The following ATAD2 variants were observed in gnomAD, a reference collection of about 807,000 sequenced individuals.
ATAD2 encodes the protein ATPase family AAA domain containing 2.
Under a neutral mutation model 168.9 loss-of-function variants are expected in ATAD2, and 62 were observed. The ratio of observed to expected loss-of-function variants is 0.37; its 90% CI spans 0.30 to 0.45. The LOEUF is 0.45. Ranked by LOEUF, ATAD2 falls within the 20% of genes least tolerant of loss-of-function variation. The probability of loss-of-function intolerance (pLI) is 1.00; values close to 1 mark genes in which losing one functional copy is unlikely to be tolerated. For synonymous variants in ATAD2, 613 were observed against 571.6 expected, an observed-to-expected ratio of 1.07 and a Z score of -1.03; for missense variants, 1,419 against 1,667.8, an observed-to-expected ratio of 0.85 and a Z score of 2.60.
intron 11 of ATAD2, among the ~76,000 whole-genome samples, chr8:123,358,962 C>T (rs181128157): frequency 1.3e-5 from 2 of 148,728 alleles, no homozygotes; most frequent in Non-Finnish European, 3.0e-5. Flanking sequence ...CCTTGGCCCC[C>T]CAAAGTGCTG....
In ATAD2 at chr8:123,325,742, G is replaced by T. The variant is rs1173465388; in HGVS notation, c.4002+151C>A. 3 of 1,006,654 alleles carry T rather than the reference G, an allele frequency of 3.0e-6. No homozygotes were observed. In the East Asian group the frequency reaches 8.1e-5, roughly 27 times the overall value. 62.4% of individuals were successfully genotyped at this position (1,006,654 alleles called of 1,614,324 possible). The stretch of plus-strand genomic sequence containing the variant: ...GACCTAGTCTTAATTTGGAACAGGG[G>T]AAGGAGAAGAACAGTAAAGGGAAGC... On this transcript the variant is annotated intron_variant, in intron 26 of 27. Coordinates refer to ENST00000287394, the MANE Select transcript of ATAD2 (RefSeq NM_014109.4).
upstream of ATAD2, among the ~76,000 whole-genome samples, chr8:123,399,378 G>C (rs1169531474): frequency 1.3e-5 from 2 of 152,210 alleles, no homozygotes; most frequent in African/African-American, 4.8e-5. Context: ...GGTGCAGGGA[G>C]TAAAGCAGTG....
rs144953583 is a variant in ATAD2, at chr8:123,325,931, G to A, written c.3964C>T (p.Pro1322Ser). 1.0e-4 allele frequency: 165 copies of A among 1,614,090 alleles called. No homozygotes were observed. The East Asian group carries it at 2.0e-3, about 20-fold the overall frequency. Residue 1322 changes from proline (P) to serine (S), a missense_variant, in exon 26 of 28, where the codon CCT (proline) becomes TCT (serine). By Grantham distance (74) the Pro-to-Ser change is moderately conservative (BLOSUM62 -1). Transcript: ENST00000287394. ...VEKALAILSQPTPSLVVDHER... is the reference protein window; with the variant it reads ...VEKALAILSQSTPSLVVDHER... The stretch of plus-strand genomic sequence containing the variant: ...TGATCCACAACAAGTGAGGGTGTAG[G>A]CTGAGAAAGAATTGCCAAAGCCTTT...
Position 123,344,536 on chromosome 8 carries a change from A to G in ATAD2, c.2718+348T>C, listed in dbSNP as rs944465188. On this transcript the variant is annotated intron_variant, in intron 19 of 27. Transcript: ENST00000287394. ...AATTTTTTTTGTATTTTTAGTAGGG[A>G]CAGGGTTTCACCCTGTTAGCCAGGA... 9 of 214,994 alleles carry G rather than the reference A, an allele frequency of 4.2e-5. No homozygotes were observed. The Admixed American group carries it at 4.4e-4, about 10-fold the overall frequency. The allele number at this position is 214,994 out of a possible 1,614,324, so 13.3% of individuals were successfully genotyped here.
In ATAD2 at chr8:123,339,488, A is replaced by C. The variant is rs751522163; in HGVS notation, c.2719-42T>G. ...AATGCAATATATATCATATATACAGATGATCCCCAACTTACAATGGTTCAA... is the reference window on the plus strand; with the variant it reads ...AATGCAATATATATCATATATACAGCTGATCCCCAACTTACAATGGTTCAA... On this transcript the variant is annotated intron_variant, in intron 19 of 27. Transcript: ENST00000287394. 4.7e-6 allele frequency: 7 copies of C among 1,483,934 alleles called. No individual in the cohort carries two copies. The South Asian group carries it at 9.0e-5, about 19-fold the overall frequency. The allele number at this position is 1,483,934 out of a possible 1,614,324, so 91.9% of individuals were successfully genotyped here. A position where few individuals can be genotyped will look rare whatever the true frequency, so the allele number is the denominator to read the frequency against.
chr8:123,404,861 G>A (rs1258275108), intron 1 of ATAD2, among the ~76,000 whole-genome samples: 2 of 152,172 alleles, frequency 1.3e-5, no homozygotes, highest in African/African-American at 4.8e-5. Context: ...TCATAAGGAC[G>A]TCAGTCATTG....
chr8:123,326,500 T>A (rs1827618443), intron 25 of ATAD2, among the ~76,000 whole-genome samples: 1 of 148,798 alleles, frequency 6.7e-6, no homozygotes, highest in Non-Finnish European at 1.5e-5. Context: ...GAAAACCCCA[T>A]CTCTTTAAAA....
chr8:123,346,598 G>T lies in ATAD2; in HGVS notation c.2345+20C>A. 6.6e-7 allele frequency: 1 copy of T among 1,508,634 alleles called. No individual in the cohort carries two copies. The allele number at this position is 1,508,634 out of a possible 1,614,324, so 93.5% of individuals were successfully genotyped here. On this transcript the variant is annotated intron_variant, in intron 17 of 27. Coordinates refer to ENST00000287394, the MANE Select transcript of ATAD2 (RefSeq NM_014109.4). ...AAAATTTACACATGCAAAAAACATT[G>T]ATTTGCAAGAAAAATATACCTATTC...
intron 1 of ATAD2, among the ~76,000 whole-genome samples, chr8:123,403,521 C>T (rs560219205): frequency 2.8e-4 from 42 of 151,874 alleles, no homozygotes; most frequent in Non-Finnish European, 5.7e-4. Context: ...GCTACAACCT[C>T]GAACTCCTGG....
At chr8:123,360,740 C>A (rs1243792212) in intron 9 of ATAD2, among the ~76,000 whole-genome samples, 1 of 151,824 alleles carries the variant, frequency 6.6e-6, no homozygotes, top group Non-Finnish European at 1.5e-5. Context: ...AGAATCCAAG[C>A]ACCTAAGCAC....
At chr8:123,389,959 T>TA (rs1288748355) in intron 1 of ATAD2, among the ~76,000 whole-genome samples, 5 of 52,600 alleles carry the variant, frequency 9.5e-5, no homozygotes, top group East Asian at 5.6e-4. Context: ...TTACTATTAT[T>TA]TTATATATAT....
At chr8:123,373,147 C>T (rs1368047785) in intron 2 of ATAD2, among the ~76,000 whole-genome samples, 1 of 152,002 alleles carries the variant, frequency 6.6e-6, no homozygotes, top group African/African-American at 2.4e-5. Flanking sequence ...CCACCTCAGC[C>T]TCCCAAAGTG....
intron 9 of ATAD2, 90 bp downstream of exon 9, chr8:123,361,449 G>T: frequency 3.9e-6 from 4 of 1,020,180 alleles, no homozygotes; most frequent in Non-Finnish European, 6.1e-6. Flanking sequence ...TAATCAGCCA[G>T]CCTATACTTA....
intron 4 of ATAD2, 79 bp from the exon 5 acceptor site, chr8:123,371,417 G>T: frequency 8.6e-7 from 1 of 1,159,268 alleles, no homozygotes; most frequent in Non-Finnish European, 1.2e-6. Flanking sequence ...TTCTTCCATT[G>T]CAAACTTTTG....
intron 13 of ATAD2, among the ~76,000 whole-genome samples, chr8:123,353,689 G>T (rs1032476033): frequency 6.6e-5 from 10 of 152,052 alleles, no homozygotes; most frequent in African/African-American, 2.2e-4. Flanking sequence ...CACACTCAGG[G>T]ATGGACATTA....
chr8:123,372,559 T>C, intron 3 of ATAD2, 78 bp downstream of exon 3: 1 of 1,094,178 alleles, frequency 9.1e-7, no homozygotes, highest in Non-Finnish European at 1.3e-6. Context: ...TAAAATTTAT[T>C]GTAGGTACCT....
At chr8:123,361,319 A>G (rs1231885264) in intron 9 of ATAD2, among the ~76,000 whole-genome samples, 1 of 150,166 alleles carries the variant, frequency 6.7e-6, no homozygotes, top group Non-Finnish European at 1.5e-5. Flanking sequence ...CCTGTCTCAA[A>G]AAAAAAAAAA....
chr8:123,370,165 A>T, intron 6 of ATAD2, 141 bp from the exon 7 acceptor site: 1 of 734,018 alleles, frequency 1.4e-6, no homozygotes, highest in Middle Eastern at 3.2e-4. Flanking sequence ...AAAAAAAACC[A>T]AACTTATCTA....
chr8:123,381,824 T>G (rs915382516), intron 1 of ATAD2, among the ~76,000 whole-genome samples: 1 of 152,144 alleles, frequency 6.6e-6, no homozygotes, highest in South Asian at 2.1e-4. Flanking sequence ...GCGGATCACT[T>G]GAGGTCAGGA....
Sources: gnomAD v4.1 joint callset for allele counts (sites outside exome capture counted in the v4.1 genomes callset) on GRCh38, gnomAD v4.1.1 for gene constraint, MANE v1.5 for transcripts, NCBI Gene and HGNC (gene_info 2026-07-23, HGNC 2026-07-21) for gene names.